The following FOXD4L6 variants were observed in gnomAD, a reference collection of about 807,000 sequenced individuals.
FOXD4L6 encodes forkhead box protein D4-like 6.
FOXD4L6 carries 1 observed loss-of-function variant against 12.9 expected under a neutral mutation model. The ratio of observed to expected loss-of-function variants is 0.08; its 90% CI spans 0.03 to 0.37. FOXD4L6 has a LOEUF of 0.37. Ranked by LOEUF, FOXD4L6 falls within the 10% of genes least tolerant of loss-of-function variation. The pLI, the probability that FOXD4L6 is intolerant of heterozygous loss-of-function variation, is 0.99. For missense variants in FOXD4L6, 23 were observed against 369.9 expected (o/e 0.06, Z 7.69); for synonymous variants, 10 against 164.7 (o/e 0.06, Z 7.19).
Position 41,127,198 on chromosome 9 carries a change from G to A in FOXD4L6, c.1186C>T (p.Pro396Ser). ...NSSSIRRRTA[P>S]TAALPPRARC... is the part of the protein sequence containing the mutation. ...GCCCTTGGTGGGAGCGCAGCCGTTG[G>A]CGCAGTCCTCCTCCTGATGCTGCTG... Residue 396 changes from proline (P) to serine (S), a missense_variant, in exon 1 of 1, where the codon CCA becomes TCA. Transcript: ENST00000622588. The A allele has an allele frequency of 6.2e-7, 1 of 1,608,174 alleles. No homozygotes were observed. Among genetic ancestry groups the A allele is most frequent in the Non-Finnish European group, 8.5e-7 (1 of 1,178,082 alleles).
At position 41,127,304 on chromosome 9, in the gene FOXD4L6, TTGA is replaced by T; in HGVS notation, c.1077_1079del (p.His359del). 6.2e-7 allele frequency: 1 copy of T among 1,609,818 alleles called. No individual in the cohort carries two copies. The highest frequency in any genetic ancestry group is 8.5e-7 in the Non-Finnish European group (1 of 1,178,284). On this transcript the variant is annotated inframe_deletion, in exon 1 of 1. Coordinates refer to ENST00000622588, the MANE Select transcript of FOXD4L6 (RefSeq NM_001085476.4). ...GCAGCGGTCTGGGGATGCAACAGGC[TTGA>T]TGGTCGCTGGAGCAGGTGGCAGTAG... is the stretch of plus-strand genomic sequence containing the variant.
At position 41,126,874 on chromosome 9, in the gene FOXD4L6, C is replaced by T. The variant is rs558376672; in HGVS notation, c.*256G>A. 3.6e-4 allele frequency: 255 copies of T among 706,220 alleles called. 7 individuals carry two copies. The African/African-American group carries it at 3.8e-3, about 11-fold the overall frequency. The allele number at this position is 706,220 out of a possible 1,614,324, so 43.7% of individuals were successfully genotyped here. A position where few individuals can be genotyped will look rare whatever the true frequency, so the allele number is the denominator to read the frequency against. ...AGGAACGTAATCCAGCTGTTTCTTT[C>T]TAACCATTTTGCAGCGAACAGAAGT... On this transcript the variant is annotated 3_prime_UTR_variant, in exon 1 of 1. Transcript: ENST00000622588.
chr9:41,127,003 G>C lies in FOXD4L6; in HGVS notation c.*127C>G, dbSNP rs1824933935. The C allele has an allele frequency of 6.6e-7, 1 of 1,508,018 alleles. No individual in the cohort carries two copies. The highest frequency in any genetic ancestry group is 2.3e-5 in the East Asian group (1 of 43,718). 93.4% of individuals were successfully genotyped at this position (1,508,018 alleles called of 1,614,324 possible). A position where few individuals can be genotyped will look rare whatever the true frequency, so the allele number is the denominator to read the frequency against. ...GCTCCCCACTCCCACCTGGCTCTAG[G>C]AGGGCCCTGCGGAGTTGGCCAGGGA... On this transcript the variant is annotated 3_prime_UTR_variant, in exon 1 of 1. Coordinates refer to ENST00000622588, the MANE Select transcript of FOXD4L6 (RefSeq NM_001085476.4).
Position 41,127,683 on chromosome 9 carries a change from C to A in FOXD4L6, c.701G>T (p.Gly234Val). 6.3e-7 allele frequency: 1 copy of A among 1,589,566 alleles called. No individual in the cohort carries two copies. The highest frequency in any genetic ancestry group is 1.1e-5 in the South Asian group (1 of 90,264). ...CGGGGCAGGGGCCCCAAGCAGAGGG[C>A]CTGGGTGGGGGTTGTGCAGGGCGGC... ...AHAALHNPHPGPLLGAPAPPQ... is the reference protein window; with the variant it reads ...AHAALHNPHPVPLLGAPAPPQ... Residue 234 changes from glycine to valine, a missense_variant, in exon 1 of 1, where the codon GGC becomes GTC. Transcript: ENST00000622588.
rs1824935033 is a variant in FOXD4L6, at chr9:41,127,042, G to A, written c.*88C>T. 5 of 1,248,152 alleles carry A rather than the reference G, an allele frequency of 4.0e-6. No individual in the cohort carries two copies. The highest frequency in any genetic ancestry group is 1.5e-5 in the South Asian group (1 of 67,088). The allele number at this position is 1,248,152 out of a possible 1,614,324, so 77.3% of individuals were successfully genotyped here. On this transcript the variant is annotated 3_prime_UTR_variant, in exon 1 of 1. Coordinates refer to ENST00000622588, the MANE Select transcript of FOXD4L6 (RefSeq NM_001085476.4). ...GTTGGCCAGGGAACTGGGCGTGGGC[G>A]ATACTAAAAAAACTGGTGAGGTCCC...
Position 41,126,963 on chromosome 9 carries a change from G to A in FOXD4L6, c.*167C>T, listed in dbSNP as rs1237059010. On this transcript the variant is annotated 3_prime_UTR_variant, in exon 1 of 1. Coordinates refer to ENST00000622588, the MANE Select transcript of FOXD4L6 (RefSeq NM_001085476.4). Reference sequence around the variant, plus strand: ...CTGAATGGGCCGCGCAAGGTGAAGTGAGCAGCTGCGGGTCGCTCCCCACTC... The same window carrying A: ...CTGAATGGGCCGCGCAAGGTGAAGTAAGCAGCTGCGGGTCGCTCCCCACTC... 2 of 1,526,850 alleles carry A rather than the reference G, an allele frequency of 1.3e-6. No homozygotes were observed. The highest frequency in any genetic ancestry group is 4.3e-5 in the Admixed American group (2 of 46,416). 94.6% of individuals were successfully genotyped at this position (1,526,850 alleles called of 1,614,324 possible).
In FOXD4L6 at chr9:41,126,865, T is replaced by A. The variant is rs1824931903; in HGVS notation, c.*265A>T. The A allele has an allele frequency of 1.6e-6, 1 of 633,688 alleles. No homozygotes were observed. Among genetic ancestry groups the A allele is most frequent in the Non-Finnish European group, 2.9e-6 (1 of 349,894 alleles). 39.3% of individuals were successfully genotyped at this position (633,688 alleles called of 1,614,324 possible). ...GGTTTTTAGAGGAACGTAATCCAGC[T>A]GTTTCTTTCTAACCATTTTGCAGCG... On this transcript the variant is annotated 3_prime_UTR_variant, in exon 1 of 1. Coordinates refer to ENST00000622588, the MANE Select transcript of FOXD4L6 (RefSeq NM_001085476.4).
In FOXD4L6 at chr9:41,126,929, G is replaced by A; in HGVS notation, c.*201C>T. The A allele has an allele frequency of 4.0e-6, 6 of 1,497,242 alleles. 1 individual carries two copies. The highest frequency in any genetic ancestry group is 5.4e-6 in the Non-Finnish European group (6 of 1,119,506). 92.7% of individuals were successfully genotyped at this position (1,497,242 alleles called of 1,614,324 possible). A position where few individuals can be genotyped will look rare whatever the true frequency, so the allele number is the denominator to read the frequency against. ...GTTTGCTCTCCAGCGGGATTCAGAT[G>A]CACACGCCCTGAATGGGCCGCGCAA... On this transcript the variant is annotated 3_prime_UTR_variant, in exon 1 of 1. Coordinates refer to ENST00000622588, the MANE Select transcript of FOXD4L6 (RefSeq NM_001085476.4).
rs1185446416 is a variant in FOXD4L6, at chr9:41,126,954, A to G, written c.*176T>C. ...GCACACGCCCTGAATGGGCCGCGCA[A>G]GGTGAAGTGAGCAGCTGCGGGTCGC... On this transcript the variant is annotated 3_prime_UTR_variant, in exon 1 of 1. Transcript: ENST00000622588. 1.3e-6 allele frequency: 2 copies of G among 1,526,118 alleles called. No homozygotes were observed. The highest frequency in any genetic ancestry group is 4.3e-5 in the Admixed American group (2 of 46,168). The allele number at this position is 1,526,118 out of a possible 1,614,324, so 94.5% of individuals were successfully genotyped here. A position where few individuals can be genotyped will look rare whatever the true frequency, so the allele number is the denominator to read the frequency against.
rs1057468629 is a variant in FOXD4L6 at position 41,126,878 on chromosome 9, C to T, written c.*252G>A. The T allele has an allele frequency of 5.2e-6, 4 of 775,880 alleles. No homozygotes were observed. The highest frequency in any genetic ancestry group is 2.5e-5 in the Admixed American group (1 of 39,914). 48.1% of individuals were successfully genotyped at this position (775,880 alleles called of 1,614,324 possible). On this transcript the variant is annotated 3_prime_UTR_variant, in exon 1 of 1. Coordinates refer to ENST00000622588, the MANE Select transcript of FOXD4L6 (RefSeq NM_001085476.4). ...ACGTAATCCAGCTGTTTCTTTCTAA[C>T]CATTTTGCAGCGAACAGAAGTTCGT...
chr9:41,127,321 A>G lies in FOXD4L6; in HGVS notation c.1063T>C (p.Cys355Arg). 1 of 1,611,432 alleles carries G rather than the reference A, an allele frequency of 6.2e-7. No homozygotes were observed. The highest frequency in any genetic ancestry group is 1.1e-5 in the South Asian group (1 of 90,966). The change falls in exon 1 of 1, where the codon TGC becomes CGC. Residue 355 changes from cysteine (C) to arginine (R), a missense_variant. Cys to Arg is a radical substitution (Grantham distance 180, BLOSUM62 -3). Transcript: ENST00000622588. ...CPRPRGATAT[C>R]SSDHQACCIP... The stretch of plus-strand genomic sequence containing the variant: ...CAACAGGCTTGATGGTCGCTGGAGC[A>G]GGTGGCAGTAGCTCCACGCGGTCGG...
Position 41,126,978 on chromosome 9 carries a change from G to T in FOXD4L6, c.*152C>A. On this transcript the variant is annotated 3_prime_UTR_variant, in exon 1 of 1. Transcript: ENST00000622588. ...AAGGTGAAGTGAGCAGCTGCGGGTC[G>T]CTCCCCACTCCCACCTGGCTCTAGG... 6 of 1,522,566 alleles carry T rather than the reference G, an allele frequency of 3.9e-6. No homozygotes were observed. The South Asian group carries it at 5.2e-5, about 13-fold the overall frequency. 94.3% of individuals were successfully genotyped at this position (1,522,566 alleles called of 1,614,324 possible).
rs1360409785 is a variant in FOXD4L6 at position 41,126,925 on chromosome 9, A to T, written c.*205T>A. Reference sequence around the variant, plus strand: ...TCGTGTTTGCTCTCCAGCGGGATTCAGATGCACACGCCCTGAATGGGCCGC... The same window carrying T: ...TCGTGTTTGCTCTCCAGCGGGATTCTGATGCACACGCCCTGAATGGGCCGC... On this transcript the variant is annotated 3_prime_UTR_variant, in exon 1 of 1. Transcript: ENST00000622588. The T allele has an allele frequency of 3.4e-6, 5 of 1,491,270 alleles. No individual in the cohort carries two copies. The highest frequency in any genetic ancestry group is 1.4e-5 in the African/African-American group (1 of 70,682). The allele number at this position is 1,491,270 out of a possible 1,614,324, so 92.4% of individuals were successfully genotyped here. A position where few individuals can be genotyped will look rare whatever the true frequency, so the allele number is the denominator to read the frequency against.
chr9:41,126,904 G>A lies in FOXD4L6; in HGVS notation c.*226C>T, dbSNP rs1352533301. The A allele has an allele frequency of 1.1e-5, 15 of 1,387,168 alleles. 1 individual carries two copies. The highest frequency in any genetic ancestry group is 1.5e-5 in the Non-Finnish European group (15 of 1,021,788). 85.9% of individuals were successfully genotyped at this position (1,387,168 alleles called of 1,614,324 possible). Reference sequence around the variant, plus strand: ...CATTTTGCAGCGAACAGAAGTTCGTGTTTGCTCTCCAGCGGGATTCAGATG... The same window carrying A: ...CATTTTGCAGCGAACAGAAGTTCGTATTTGCTCTCCAGCGGGATTCAGATG... On this transcript the variant is annotated 3_prime_UTR_variant, in exon 1 of 1. Transcript: ENST00000622588.
chr9:41,126,937 C>A lies in FOXD4L6; in HGVS notation c.*193G>T. On this transcript the variant is annotated 3_prime_UTR_variant, in exon 1 of 1. Transcript: ENST00000622588. Reference sequence around the variant, plus strand: ...TCCAGCGGGATTCAGATGCACACGCCCTGAATGGGCCGCGCAAGGTGAAGT... The same window carrying A: ...TCCAGCGGGATTCAGATGCACACGCACTGAATGGGCCGCGCAAGGTGAAGT... 6.6e-7 allele frequency: 1 copy of A among 1,515,858 alleles called. No homozygotes were observed. The highest frequency in any genetic ancestry group is 2.2e-5 in the Admixed American group (1 of 45,004). 93.9% of individuals were successfully genotyped at this position (1,515,858 alleles called of 1,614,324 possible). A position where few individuals can be genotyped will look rare whatever the true frequency, so the allele number is the denominator to read the frequency against.
rs1246235087 is a variant in FOXD4L6, at chr9:41,126,855, G to A, written c.*275C>T. ...ACGTTCAGGTGGTTTTTAGAGGAACGTAATCCAGCTGTTTCTTTCTAACCA... is the reference window on the plus strand; with the variant it reads ...ACGTTCAGGTGGTTTTTAGAGGAACATAATCCAGCTGTTTCTTTCTAACCA... On this transcript the variant is annotated 3_prime_UTR_variant, in exon 1 of 1. Coordinates refer to ENST00000622588, the MANE Select transcript of FOXD4L6 (RefSeq NM_001085476.4). 1.6e-6 allele frequency: 1 copy of A among 616,208 alleles called. No individual in the cohort carries two copies. Among genetic ancestry groups the A allele is most frequent in the Non-Finnish European group, 2.9e-6 (1 of 340,916 alleles). The allele number at this position is 616,208 out of a possible 1,614,324, so 38.2% of individuals were successfully genotyped here.
Position 41,126,943 on chromosome 9 carries a change from T to G in FOXD4L6, c.*187A>C, listed in dbSNP as rs2131016137. The G allele has an allele frequency of 6.6e-7, 1 of 1,520,448 alleles. No homozygotes were observed. The highest frequency in any genetic ancestry group is 8.8e-7 in the Non-Finnish European group (1 of 1,137,158). The allele number at this position is 1,520,448 out of a possible 1,614,324, so 94.2% of individuals were successfully genotyped here. On this transcript the variant is annotated 3_prime_UTR_variant, in exon 1 of 1. Transcript: ENST00000622588. ...GGGATTCAGATGCACACGCCCTGAA[T>G]GGGCCGCGCAAGGTGAAGTGAGCAG...
At position 41,126,486 on chromosome 9, in the gene FOXD4L6, C is replaced by A. The variant is rs1400285198; in HGVS notation, c.*644G>T. 2.1e-5 allele frequency: 1 copy of A among 48,478 alleles called. No individual in the cohort carries two copies. The highest frequency in any genetic ancestry group is 5.2e-4 in the East Asian group (1 of 1,910). The allele number at this position is 48,478 out of a possible 1,614,324, so 3.0% of individuals were successfully genotyped here. ...ATATAACTAGGCTTAATTTTAACACCTTAATTTTAACATTAAAGATGGCAC... is the reference window on the plus strand; with the variant it reads ...ATATAACTAGGCTTAATTTTAACACATTAATTTTAACATTAAAGATGGCAC... On this transcript the variant is annotated 3_prime_UTR_variant, in exon 1 of 1. Coordinates refer to ENST00000622588, the MANE Select transcript of FOXD4L6 (RefSeq NM_001085476.4).
rs1470739566 is a variant in FOXD4L6, at chr9:41,126,832, G to C, written c.*298C>G. The C allele has an allele frequency of 7.0e-6, 4 of 568,140 alleles. 1 individual carries two copies. The allele number at this position is 568,140 out of a possible 1,614,324, so 35.2% of individuals were successfully genotyped here. On this transcript the variant is annotated 3_prime_UTR_variant, in exon 1 of 1. Transcript: ENST00000622588. The stretch of plus-strand genomic sequence containing the variant: ...TGACTTGACGCCCTGCGAAGGTTAC[G>C]TTCAGGTGGTTTTTAGAGGAACGTA...
Sources: gnomAD v4.1 joint callset for allele counts on GRCh38, gnomAD v4.1.1 for gene constraint, MANE v1.5 for transcripts, NCBI Gene and HGNC (gene_info 2026-07-23, HGNC 2026-07-21) for gene names.